Variants in TRPM4 observed in about 807,000 individuals in gnomAD.
TRPM4 encodes calcium-activated non-selective cation channel 1.
In TRPM4, 124 loss-of-function variants were observed where a neutral mutation model predicts 135.6. That is an observed-to-expected ratio of 0.91 (90% CI 0.79 to 1.06). TRPM4 has a LOEUF of 1.06. Ranked by LOEUF, TRPM4 falls within the 50% of genes least tolerant of loss-of-function variation. TRPM4 has a pLI of 0.00. For missense variants in TRPM4, 1,658 were observed against 1,671.4 expected (o/e 0.99, Z 0.14); for synonymous variants, 745 against 705.6 (o/e 1.06, Z -0.88).
At position 49,200,742 on chromosome 19, in the gene TRPM4, C is replaced by T; in HGVS notation, c.2910C>T (p.Pro970=). 1.2e-6 allele frequency: 2 copies of T among 1,614,154 alleles called. No homozygotes were observed. Among genetic ancestry groups the T allele is most frequent in the Non-Finnish European group, 1.7e-6 (2 of 1,180,034 alleles). Residue 970 remains proline (P), a synonymous_variant, in exon 19 of 25, where the codon CCC becomes CCT. Transcript: ENST00000252826. ...TCCTGCGCCGCGTCTTCTACCGTCC[C>T]TACCTGCAGATCTTCGGGCAGATTC... ...PSILRRVFYR[P]YLQIFGQIPQ...
chr19:49,196,349 G>A, intron 16 of TRPM4, 91 bp from the exon 17 acceptor site: 1 of 1,247,498 alleles, frequency 8.0e-7, no homozygotes, highest in Non-Finnish European at 1.1e-6. Context: ...GGCAGGGTGA[G>A]ATGTGCCAAG....
chr19:49,194,675 T>TCCCTC (rs1568482911), intron 16 of TRPM4, among the ~76,000 whole-genome samples: 1 of 42,170 alleles, frequency 2.4e-5, no homozygotes, highest in Non-Finnish European at 5.0e-5. Context: ...CTCCCTCCCT[T>TCCCTC]CCTTCCTTCT....
In TRPM4 at chr19:49,171,111, G is replaced by C. The variant is rs1248338728; in HGVS notation, c.797-246G>C. Among the ~76,000 whole-genome samples, 1 of 152,158 alleles carries C rather than the reference G, an allele frequency of 6.6e-6. No individual in the cohort carries two copies. The highest frequency in any genetic ancestry group is 6.5e-5 in the Admixed American group (1 of 15,272). On this transcript the variant is annotated intron_variant, in intron 6 of 24. Transcript: ENST00000252826. This position sits in a 1 kb window ranked among gnomAD's most constrained non-coding sequence, Gnocchi z 4.7. ...CTCATGCCTATAATCCCAGCACTTTGGGAGTCCAAGTTGGGAGGATTGCTT... is the reference window on the plus strand; with the variant it reads ...CTCATGCCTATAATCCCAGCACTTTCGGAGTCCAAGTTGGGAGGATTGCTT...
At chr19:49,186,967 T>C (rs1214377384) in intron 12 of TRPM4, among the ~76,000 whole-genome samples, 1 of 152,062 alleles carries the variant, frequency 6.6e-6, no homozygotes, top group Non-Finnish European at 1.5e-5. Context: ...GTCAAGTCCT[T>C]GAGCTGTTGC....
At chr19:49,200,268 C>T (rs1476710714) in intron 17 of TRPM4, 32 bp from the exon 18 acceptor site, 2 of 1,614,042 alleles carry the variant, frequency 1.2e-6, no homozygotes, top group African/African-American at 1.3e-5. Flanking sequence ...TCTTGTGACA[C>T]TTGACCCTTG....
At position 49,211,306 on chromosome 19, in the gene TRPM4, C is replaced by T. The variant is rs2146000633; in HGVS notation, c.3640+37C>T. ...GCATCAGCCTGTGCATCTCCAGCCT[C>T]TGTTCCTGTATTTTTGCGTGTTTTT... is the stretch of plus-strand genomic sequence containing the variant. On this transcript the variant is annotated intron_variant, in intron 24 of 24. Coordinates refer to ENST00000252826, the MANE Select transcript of TRPM4 (RefSeq NM_017636.4). This position sits in a 1 kb window ranked among gnomAD's most constrained non-coding sequence, Gnocchi z 4.8. 1 of 1,577,934 alleles carries T rather than the reference C, an allele frequency of 6.3e-7. No homozygotes were observed. The highest frequency in any genetic ancestry group is 8.6e-7 in the Non-Finnish European group (1 of 1,160,624).
chr19:49,165,188 C>G (rs140894700), intron 2 of TRPM4, among the ~76,000 whole-genome samples: 1 of 152,074 alleles, frequency 6.6e-6, no homozygotes, highest in Non-Finnish European at 1.5e-5. Flanking sequence ...GAAACCTGTT[C>G]CATTTGGCAC....
intron 19 of TRPM4, 130 bp from the exon 20 acceptor site, chr19:49,201,834 A>C: frequency 1.1e-6 from 1 of 933,368 alleles, no homozygotes; most frequent in Admixed American, 1.7e-5. Context: ...TCCCCACCTC[A>C]GGTGATCCGG....
chr19:49,204,547 C>A (rs2145980360), intron 20 of TRPM4, among the ~76,000 whole-genome samples: 1 of 151,588 alleles, frequency 6.6e-6, no homozygotes, highest in South Asian at 2.1e-4. Flanking sequence ...CCAGCCTGGG[C>A]AACATAGCGA....
intron 17 of TRPM4, among the ~76,000 whole-genome samples, chr19:49,197,340 C>CTTTCTTTCTTTCTTTCTCTCTCTTTCT (rs1968715073): frequency 8.2e-6 from 1 of 121,288 alleles, no homozygotes; most frequent in Non-Finnish European, 1.6e-5. Flanking sequence ...TTCTTTCTTT[C>CTTTCTTTCTTTCTTTCTCTCTCTTTCT]TTTCTTTCTT....
chr19:49,168,418 C>T lies in TRPM4; in HGVS notation c.607C>T (p.Pro203Ser). ...VVRNRDTLIN[P>S]KGSFPARYRW... The stretch of plus-strand genomic sequence containing the variant: ...CCGGAATAGAGACACCCTCATCAAC[C>T]CCAAGGTGTGACCCAGGGACTTGGA... The change falls in exon 5 of 25, where the codon CCC becomes TCC. Residue 203 changes from proline to serine, a missense_variant. Pro to Ser is a moderately conservative substitution (Grantham distance 74). Coordinates refer to ENST00000252826, the MANE Select transcript of TRPM4 (RefSeq NM_017636.4). 6.2e-7 allele frequency: 1 copy of T among 1,613,978 alleles called. No homozygotes were observed.
At chr19:49,197,304 T>TTC (rs1468329324) in intron 17 of TRPM4, among the ~76,000 whole-genome samples, 20 of 122,290 alleles carry the variant, frequency 1.6e-4, no homozygotes, top group African/African-American at 6.7e-4. Flanking sequence ...TTCTCTTTCT[T>TTC]TCTTTTTCTT....
intron 9 of TRPM4, among the ~76,000 whole-genome samples, chr19:49,174,212 G>A (rs538208893): frequency 4.6e-5 from 7 of 152,202 alleles, no homozygotes; most frequent in African/African-American, 1.7e-4. Context: ...GAGTGCAGTG[G>A]TGCGAGCTTG....
At chr19:49,192,468 A>G (rs1968446778) in intron 16 of TRPM4, among the ~76,000 whole-genome samples, 1 of 152,196 alleles carries the variant, frequency 6.6e-6, no homozygotes, top group Admixed American at 6.5e-5. Context: ...AAGACAATGT[A>G]GAGAGGATAC....
Position 49,182,756 on chromosome 19 carries a change from C to G in TRPM4, c.1442C>G (p.Ser481Cys), listed in dbSNP as rs200246268. The G allele has an allele frequency of 2.5e-4, 408 of 1,614,090 alleles. 3 individuals are homozygous for G. The South Asian group carries it at 3.9e-3, about 15-fold the overall frequency. The stretch of plus-strand genomic sequence containing the variant: ...ATCCGCAACCTTTTGGACCAGGCGT[C>G]CCACAGCGCAGGCACCAAAGCCCCA... ...SLIRNLLDQA[S>C]HSAGTKAPAL... Residue 481 changes from serine to cysteine, a missense_variant, in exon 11 of 25, where the codon TCC (serine) becomes TGC (cysteine). Around this residue, in one of 3 missense-constraint regions of TRPM4, gnomAD observed 1,412 missense variants for 1,408.7 expected, o/e 1.00. Transcript: ENST00000252826.
intron 9 of TRPM4, among the ~76,000 whole-genome samples, chr19:49,175,073 T>TAG: frequency 1.1e-5 from 1 of 88,548 alleles, no homozygotes; most frequent in African/African-American, 3.5e-5. Context: ...CTGGCTTTTT[T>TAG]TTTTTTTTTT....
At position 49,210,471 on chromosome 19, in the gene TRPM4, A is replaced by C; in HGVS notation, c.3328+66A>C. On this transcript the variant is annotated intron_variant, in intron 21 of 24. Transcript: ENST00000252826. This position sits in a 1 kb window ranked among gnomAD's most constrained non-coding sequence, Gnocchi z 4.1. ...ACCGGGAGCCTGGAAGGCGAGGGGA[A>C]GGGGGCATGCCCCAAATGACTAACG... 1 of 1,569,732 alleles carries C rather than the reference A, an allele frequency of 6.4e-7. No individual in the cohort carries two copies. Among genetic ancestry groups the C allele is most frequent in the Non-Finnish European group, 8.7e-7 (1 of 1,152,656 alleles).
At position 49,181,442 on chromosome 19, in the gene TRPM4, G is replaced by A. The variant is rs372791133; in HGVS notation, c.1244G>A (p.Arg415Gln). The change falls in exon 10 of 25, where the codon CGG becomes CAG. Residue 415 changes from arginine to glutamine, a missense_variant. Arg to Gln is a conservative substitution (Grantham distance 43). Transcript: ENST00000252826. ...GACATTGCCCAGAGTGAACTCTTTCGGGGGGACATCCAATGGCGGGTGAGG... is the reference window on the plus strand; with the variant it reads ...GACATTGCCCAGAGTGAACTCTTTCAGGGGGACATCCAATGGCGGGTGAGG... The part of the protein sequence containing the change: ...RVDIAQSELF[R>Q]GDIQWRSFHL... The A allele has an allele frequency of 6.1e-5, 98 of 1,613,378 alleles. No homozygotes were observed. Among genetic ancestry groups the A allele is most frequent in the Non-Finnish European group, 7.9e-5 (93 of 1,179,752 alleles).
At chr19:49,203,914 G>A (rs564031761) in intron 20 of TRPM4, among the ~76,000 whole-genome samples, 2 of 152,274 alleles carry the variant, frequency 1.3e-5, no homozygotes, top group African/African-American at 4.8e-5. Context: ...GATCACCTGA[G>A]GTCAGGAGTT....
Sources: allele counts gnomAD v4.1 joint callset (sites outside exome capture counted in the v4.1 genomes callset), GRCh38; gene constraint gnomAD v4.1.1; regional missense constraint gnomAD v4.1.1; non-coding constraint Gnocchi (gnomAD v3.1); transcripts MANE v1.5; gene names NCBI Gene and HGNC (gene_info 2026-07-23, HGNC 2026-07-21).